GRM5: variants seen among roughly 807,000 people sequenced by gnomAD.
GRM5 encodes the protein glutamate metabotropic receptor 5, also known as metabotropic glutamate receptor 5.
In GRM5, 19 loss-of-function variants were observed where a neutral mutation model predicts 83.1. The ratio of observed to expected loss-of-function variants is 0.23; its 90% CI spans 0.16 to 0.34. GRM5 has a LOEUF of 0.34. Ranked by LOEUF, GRM5 falls within the 10% of genes least tolerant of loss-of-function variation. GRM5 has a pLI of 1.00. For synonymous variants in GRM5, 675 were observed against 633.6 expected, an observed-to-expected ratio of 1.07 and a Z score of -0.98; for missense variants, 1,160 against 1,588.3, an observed-to-expected ratio of 0.73 and a Z score of 4.58.
In GRM5 at chr11:88,535,079, C is replaced by A. The variant is rs371642704; in HGVS notation, c.2631-9675G>T. 2.2e-4 allele frequency among the ~76,000 whole-genome samples: 33 copies of A among 152,288 alleles called. 1 individual carries two copies. In the South Asian group the frequency reaches 5.0e-3, roughly 23 times the overall value. On this transcript the variant is annotated intron_variant, in intron 8 of 9. Transcript: ENST00000305447. ...CTCTTTCTTTTGTAAATTGCACAGTCTCGGGTATGTCTTTATCAGCAGCAT... is the reference window on the plus strand; with the variant it reads ...CTCTTTCTTTTGTAAATTGCACAGTATCGGGTATGTCTTTATCAGCAGCAT...
At chr11:89,012,972 A>G (rs1241111238) in intron 2 of GRM5, among the ~76,000 whole-genome samples, 22 of 152,218 alleles carry the variant, frequency 1.4e-4, no homozygotes, top group Admixed American at 6.5e-5. Flanking sequence ...CTGAAAAAAC[A>G]TATGTTTGCA....
intron 3 of GRM5, among the ~76,000 whole-genome samples, chr11:88,756,513 C>G (rs918797678): frequency 6.6e-6 from 1 of 151,768 alleles, no homozygotes; most frequent in Admixed American, 6.6e-5. Context: ...AATATAAAGT[C>G]GAATTAATAT....
chr11:89,041,521 C>T (rs927501651), intron 2 of GRM5, among the ~76,000 whole-genome samples: 5 of 152,120 alleles, frequency 3.3e-5, no homozygotes, highest in Non-Finnish European at 5.9e-5. Context: ...AAACACTGCC[C>T]AAACCACATG....
chr11:88,659,318 G>T (rs376549859), intron 3 of GRM5, among the ~76,000 whole-genome samples: 1 of 152,080 alleles, frequency 6.6e-6, no homozygotes, highest in South Asian at 2.1e-4. Flanking sequence ...ATCTTTATAC[G>T]ATCTCTCACA....
At chr11:88,865,016 C>G (rs369831030) in intron 2 of GRM5, among the ~76,000 whole-genome samples, 15 of 151,944 alleles carry the variant, frequency 9.9e-5, no homozygotes, top group African/African-American at 2.9e-4. Context: ...TGTGAGGGAA[C>G]TCTTCAAGGA....
At chr11:88,948,891 T>G (rs1460659744) in intron 2 of GRM5, among the ~76,000 whole-genome samples, 1 of 152,056 alleles carries the variant, frequency 6.6e-6, no homozygotes, top group Non-Finnish European at 1.5e-5. Context: ...AATAAAGTAA[T>G]ACAAGAGCAG....
At chr11:89,062,237 G>A (rs1942011194) in intron 1 of GRM5, among the ~76,000 whole-genome samples, 1 of 152,212 alleles carries the variant, frequency 6.6e-6, no homozygotes, top group Admixed American at 6.5e-5. Flanking sequence ...GAAACTCCCT[G>A]CACTCCATAA....
chr11:88,959,806 T>G (rs1241415396), intron 2 of GRM5, among the ~76,000 whole-genome samples: 1 of 152,186 alleles, frequency 6.6e-6, no homozygotes, highest in African/African-American at 2.4e-5. Flanking sequence ...AGTGTATTGC[T>G]AAAAATCACA....
At chr11:88,999,802 G>A (rs1303875808) in intron 2 of GRM5, among the ~76,000 whole-genome samples, 1 of 152,118 alleles carries the variant, frequency 6.6e-6, no homozygotes, top group Non-Finnish European at 1.5e-5. Flanking sequence ...TGTTTATTGT[G>A]GCACTATTCA....
intron 3 of GRM5, among the ~76,000 whole-genome samples, chr11:88,792,611 A>G (rs1186134701): frequency 1.3e-5 from 2 of 152,110 alleles, no homozygotes; most frequent in Non-Finnish European, 2.9e-5. Flanking sequence ...TCCATTGTAA[A>G]AAAAGTTATC....
At chr11:88,757,561 C>T (rs1442542866) in intron 3 of GRM5, among the ~76,000 whole-genome samples, 1 of 151,782 alleles carries the variant, frequency 6.6e-6, no homozygotes, top group Non-Finnish European at 1.5e-5. Context: ...AGACTTGTGC[C>T]CACCAGTGTC....
intron 3 of GRM5, among the ~76,000 whole-genome samples, chr11:88,846,816 T>C (rs535908920): frequency 2.0e-5 from 3 of 152,258 alleles, no homozygotes; most frequent in African/African-American, 7.2e-5. Context: ...AAAGAAGTTA[T>C]AGCGTGAACT....
intron 2 of GRM5, among the ~76,000 whole-genome samples, chr11:89,000,188 T>C (rs1294082725): frequency 1.3e-5 from 2 of 152,060 alleles, no homozygotes; most frequent in Admixed American, 1.3e-4. Flanking sequence ...TGTATACATA[T>C]GTAACAAACC....
intron 3 of GRM5, among the ~76,000 whole-genome samples, chr11:88,756,452 T>A (rs985124193): frequency 6.6e-6 from 1 of 152,128 alleles, no homozygotes; most frequent in African/African-American, 2.4e-5. Context: ...ACATGGCATT[T>A]GTAGTTATAA....
At chr11:88,674,548 T>G (rs1940274911) in intron 3 of GRM5, among the ~76,000 whole-genome samples, 1 of 151,850 alleles carries the variant, frequency 6.6e-6, no homozygotes, top group African/African-American at 2.4e-5. Context: ...CAGTAGAAAT[T>G]ATTGCCCTTT....
intron 2 of GRM5, among the ~76,000 whole-genome samples, chr11:88,986,994 C>A (rs563147517): frequency 6.6e-6 from 1 of 151,546 alleles, no homozygotes; most frequent in Admixed American, 6.6e-5. Context: ...ATCATCCTAT[C>A]GGGGGAAGGA....
intron 3 of GRM5, among the ~76,000 whole-genome samples, chr11:88,741,029 A>T (rs1385317887): frequency 6.6e-6 from 1 of 152,082 alleles, no homozygotes; most frequent in Non-Finnish European, 1.5e-5. Context: ...TGTGTTCAGG[A>T]TAGAAGAACA....
chr11:88,929,023 C>A (rs1394600108), intron 2 of GRM5, among the ~76,000 whole-genome samples: 2 of 151,812 alleles, frequency 1.3e-5, no homozygotes, highest in Non-Finnish European at 2.9e-5. Flanking sequence ...GATAACATTG[C>A]TCTTTCTCTC....
At chr11:88,653,787 G>A (rs1939697269) in intron 3 of GRM5, among the ~76,000 whole-genome samples, 1 of 151,340 alleles carries the variant, frequency 6.6e-6, no homozygotes, top group Non-Finnish European at 1.5e-5. Context: ...TATTTTCTTT[G>A]GCTTTATAAT....
Sources: gnomAD v4.1 joint callset for allele counts (sites outside exome capture counted in the v4.1 genomes callset) on GRCh38, gnomAD v4.1.1 for gene constraint, MANE v1.5 for transcripts, NCBI Gene and HGNC (gene_info 2026-07-23, HGNC 2026-07-21) for gene names.